The following NFRKB variants were observed in gnomAD, a reference collection of about 807,000 sequenced individuals.
The protein encoded by NFRKB is nuclear factor related to kappa-B-binding protein.
NFRKB carries 62 observed loss-of-function variants against 135.7 expected under a neutral mutation model. The ratio of observed to expected loss-of-function variants is 0.46; its 90% CI spans 0.37 to 0.56. The LOEUF (loss-of-function observed/expected upper bound fraction) is 0.56. NFRKB is among the 20% of genes least tolerant of loss of function. The pLI is 0.00. For synonymous variants in NFRKB, 678 were observed against 635.6 expected (o/e 1.07, Z -1.00); for missense variants, 1,545 against 1,662.0 (o/e 0.93, Z 1.22).
At chr11:129,884,868 G>A in intron 6 of NFRKB, 22 bp from the exon 7 acceptor site, 2 of 1,614,144 alleles carry the variant, frequency 1.2e-6, no homozygotes, top group Admixed American at 1.7e-5. Flanking sequence ...AATTGTTCTT[G>A]TAAATCCAAC....
chr11:129,882,403 G>A (rs1166735317), intron 10 of NFRKB, 48 bp downstream of exon 10: 1 of 1,597,898 alleles, frequency 6.3e-7, no homozygotes, highest in African/African-American at 1.3e-5. Context: ...ACAGCCTATG[G>A]CTTACCCATT....
chr11:129,892,700 C>T lies in NFRKB; in HGVS notation c.135+15G>A, dbSNP rs112200900. ...CTGACAGAGAGGAAAAGGTCACAAC[C>T]GTGTTACTACTCACATCCTCCAGAA... On this transcript the variant is annotated intron_variant, in intron 3 of 26. Coordinates refer to ENST00000682444, the MANE Select transcript of NFRKB (RefSeq NM_001143835.2). 452 of 1,612,576 alleles carry T rather than the reference C, an allele frequency of 2.8e-4. 1 individual carries two copies. The African/African-American group carries it at 5.2e-3, about 18-fold the overall frequency.
At chr11:129,873,364 CTG>C (rs1948608697) in intron 22 of NFRKB, among the ~76,000 whole-genome samples, 1 of 152,208 alleles carries the variant, frequency 6.6e-6, no homozygotes, top group South Asian at 2.1e-4. Context: ...GCAAAGGAAA[CTG>C]AGACAAAGAG....
rs897666017 is a variant in NFRKB at position 129,885,320 on chromosome 11, C to A, written c.640+115G>T. ...GTCCCGCTATGCACCCCAGACCAGA[C>A]AACTCAAGAGGGTTTCTTTGCTGGG... On this transcript the variant is annotated intron_variant, in intron 6 of 26. Coordinates refer to ENST00000682444, the MANE Select transcript of NFRKB (RefSeq NM_001143835.2). 52 of 1,221,660 alleles carry A rather than the reference C, an allele frequency of 4.3e-5. No homozygotes were observed. The East Asian group carries it at 1.3e-3, about 30-fold the overall frequency. 75.7% of individuals were successfully genotyped at this position (1,221,660 alleles called of 1,614,324 possible). A position where few individuals can be genotyped will look rare whatever the true frequency, so the allele number is the denominator to read the frequency against.
At chr11:129,878,225 T>C in intron 15 of NFRKB, 84 bp downstream of exon 15, 2 of 1,428,858 alleles carry the variant, frequency 1.4e-6, no homozygotes, top group South Asian at 1.2e-5. Context: ...AGCTCTAGCA[T>C]ACCAAGAAGT....
intron 12 of NFRKB, 35 bp downstream of exon 12, chr11:129,881,692 G>A (rs1253186613): frequency 5.6e-6 from 9 of 1,609,670 alleles, no homozygotes; most frequent in Non-Finnish European, 6.8e-6. Context: ...ACAAAAGGGG[G>A]AAAAATACTG....
At chr11:129,878,743 T>C (rs138493495) in intron 13 of NFRKB, among the ~76,000 whole-genome samples, 200 bp from the exon 14 acceptor site, 2,251 of 152,292 alleles carry the variant, frequency 0.015, 45 homozygotes, top group Admixed American at 0.062. Context: ...AATGAAATCA[T>C]TCACTCCGTA....
rs1311923700 is a variant in NFRKB, at chr11:129,874,301, G to A, written c.2091C>T (p.Val697=). ...KSSSKESSIK[V]LSSGPSEQSQ... ...TCTGCTCAGAAGGGCCACTGCTAAG[G>A]ACCTTTATGGAGCTCTCCTTGCTAC... Residue 697 remains valine, a synonymous_variant, in exon 21 of 27, where the codon GTC becomes GTT. Coordinates refer to ENST00000682444, the MANE Select transcript of NFRKB (RefSeq NM_001143835.2). The surrounding 1 kb of genome is among the most constrained non-coding windows in gnomAD (Gnocchi z 4.5). 3 of 1,516,936 alleles carry A rather than the reference G, an allele frequency of 2.0e-6. No individual in the cohort carries two copies. Among genetic ancestry groups the A allele is most frequent in the African/African-American group, 2.8e-5 (2 of 71,732 alleles). 94.0% of individuals were successfully genotyped at this position (1,516,936 alleles called of 1,614,324 possible). A position where few individuals can be genotyped will look rare whatever the true frequency, so the allele number is the denominator to read the frequency against.
intron 1 of NFRKB, 117 bp from the exon 2 acceptor site, chr11:129,894,555 A>G (rs1394921006): frequency 6.6e-6 from 1 of 152,254 alleles, no homozygotes; most frequent in Non-Finnish European, 1.5e-5. Flanking sequence ...TGTAAAATGA[A>G]GCATGTTCCA....
intron 15 of NFRKB, 84 bp from the exon 16 acceptor site, chr11:129,877,469 T>C (rs922761504): frequency 4.8e-6 from 6 of 1,245,170 alleles, no homozygotes; most frequent in Non-Finnish European, 7.1e-6. Flanking sequence ...CCATTCCCAC[T>C]GTGACATGGA....
rs1948438477 is a variant in NFRKB at position 129,870,272 on chromosome 11, A to G, written c.2764-11T>C. 1 of 1,609,850 alleles carries G rather than the reference A, an allele frequency of 6.2e-7. No individual in the cohort carries two copies. Among genetic ancestry groups the G allele is most frequent in the Non-Finnish European group, 8.5e-7 (1 of 1,176,898 alleles). ...CCCAGTGATTGCCACCTGAATGGGG[A>G]GAAGCAGCACTGATGAGGGATTCAC... On this transcript the variant is annotated splice_polypyrimidine_tract_variant and intron_variant, in intron 23 of 26. Transcript: ENST00000682444.
chr11:129,892,747 T>G lies in NFRKB; in HGVS notation c.103A>C (p.Arg35=), dbSNP rs776033646. 1 of 1,614,148 alleles carries G rather than the reference T, an allele frequency of 6.2e-7. No individual in the cohort carries two copies. Among genetic ancestry groups the G allele is most frequent in the South Asian group, 1.1e-5 (1 of 91,074 alleles). Residue 35 remains arginine (R), a synonymous_variant, in exon 3 of 27, where the codon AGA becomes CGA. Coordinates refer to ENST00000682444, the MANE Select transcript of NFRKB (RefSeq NM_001143835.2). ...AGAAGGTCCTCGGGCAGACTAACTC[T>G]GGTGCCTCCCAGGAGGCAATCCTCC... The part of the protein sequence containing the change: ...IMEDCLLGGT[R]VSLPEDLLED...
Position 129,882,126 on chromosome 11 carries a change from A to G in NFRKB, c.1151T>C (p.Leu384Ser). 6.2e-7 allele frequency: 1 copy of G among 1,613,578 alleles called. No individual in the cohort carries two copies. Among genetic ancestry groups the G allele is most frequent in the African/African-American group, 1.3e-5 (1 of 74,996 alleles). The change falls in exon 11 of 27, where the codon TTA becomes TCA. Residue 384 changes from leucine to serine, a missense_variant. Physicochemically the swap from Leu to Ser is moderately radical, Grantham distance 145. Coordinates refer to ENST00000682444, the MANE Select transcript of NFRKB (RefSeq NM_001143835.2). The stretch of plus-strand genomic sequence containing the variant: ...CTGACTCTCCAGCAGCAAGATCTCT[A>G]ATAGAAGAGAGAAGAAGCTGGAAGA... ...EISSSFFSLL[L>S]EILLLESQAS...
chr11:129,894,336 A>C (rs770314476), intron 2 of NFRKB, 23 bp downstream of exon 2: 3 of 152,204 alleles, frequency 2.0e-5, no homozygotes, highest in Non-Finnish European at 4.4e-5. Context: ...CATTCCACAA[A>C]CACCACATTC....
At chr11:129,869,205 G>C (rs1948369919) in intron 24 of NFRKB, among the ~76,000 whole-genome samples, 1 of 152,150 alleles carries the variant, frequency 6.6e-6, no homozygotes, top group South Asian at 2.1e-4. Flanking sequence ...TATTTTGTCT[G>C]CACTGTTCTT....
chr11:129,867,278 C>T (rs1047733317), intron 24 of NFRKB, among the ~76,000 whole-genome samples: 3 of 151,750 alleles, frequency 2.0e-5, no homozygotes, highest in Non-Finnish European at 4.4e-5. Context: ...TGCAGTTTCC[C>T]GCTTCCTTAT....
rs779731613 is a variant in NFRKB at position 129,888,426 on chromosome 11, T to C, written c.337+168A>G. On this transcript the variant is annotated intron_variant, in intron 4 of 26. Coordinates refer to ENST00000682444, the MANE Select transcript of NFRKB (RefSeq NM_001143835.2). The stretch of plus-strand genomic sequence containing the variant: ...TCTATATAAGTCAATACATTTTTGT[T>C]TTTTAGAACACAGCCTAGACAGCAA... The C allele has an allele frequency of 4.0e-6, 3 of 745,088 alleles. No individual in the cohort carries two copies. The South Asian group carries it at 4.4e-5, about 11-fold the overall frequency. 46.2% of individuals were successfully genotyped at this position (745,088 alleles called of 1,614,324 possible).
chr11:129,883,087 C>CA (rs1412865549), intron 9 of NFRKB, 35 bp downstream of exon 9: 1 of 1,596,602 alleles, frequency 6.3e-7, no homozygotes, highest in Non-Finnish European at 8.6e-7. Flanking sequence ...ACACCATAGT[C>CA]AGATGAAGGC....
At chr11:129,881,147 A>G (rs999979888) in intron 13 of NFRKB, among the ~76,000 whole-genome samples, 1 of 152,244 alleles carries the variant, frequency 6.6e-6, no homozygotes, top group African/African-American at 2.4e-5. Context: ...TATGATTAAT[A>G]TAAATGTCGA....
Sources: gnomAD v4.1 joint callset for allele counts (sites outside exome capture counted in the v4.1 genomes callset) on GRCh38, gnomAD v4.1.1 for gene constraint, Gnocchi (gnomAD v3.1) non-coding constraint, MANE v1.5 for transcripts, NCBI Gene and HGNC (gene_info 2026-07-23, HGNC 2026-07-21) for gene names.